The following SAMD12 variants were observed in gnomAD, a reference collection of about 807,000 sequenced individuals.
SAMD12 encodes sterile alpha motif domain containing 12, also known as sterile alpha motif domain-containing protein 12.
Under a neutral mutation model 15.0 loss-of-function variants are expected in SAMD12, and 9 were observed. The ratio of observed to expected loss-of-function variants is 0.60; its 90% CI spans 0.36 to 1.05. The LOEUF (loss-of-function observed/expected upper bound fraction) is 1.05. Among genes scored for constraint, SAMD12 ranks in the 50% least tolerant of loss-of-function variants. The pLI is 0.01. For synonymous variants in SAMD12, 86 were observed against 90.1 expected, an observed-to-expected ratio of 0.96 and a Z score of 0.25; for missense variants, 230 against 234.2, an observed-to-expected ratio of 0.98 and a Z score of 0.12.
chr8:118,227,397 G>GA (rs1229421463), intron 4 of SAMD12, among the ~76,000 whole-genome samples: 1 of 151,986 alleles, frequency 6.6e-6, no homozygotes, highest in Non-Finnish European at 1.5e-5. Context: ...GAAAGGAGCA[G>GA]AAAAAATAAC....
At chr8:118,563,653 T>C (rs1484280980) in intron 2 of SAMD12, among the ~76,000 whole-genome samples, 1 of 152,242 alleles carries the variant, frequency 6.6e-6, no homozygotes, top group Non-Finnish European at 1.5e-5. Flanking sequence ...CATAGTGGAC[T>C]GAGAAGGAAA....
chr8:118,536,401 C>G (rs1825841658), intron 2 of SAMD12, among the ~76,000 whole-genome samples: 1 of 151,404 alleles, frequency 6.6e-6, no homozygotes, highest in East Asian at 1.9e-4. Context: ...GTTCCTTTCA[C>G]TTTACTATCA....
At chr8:118,445,961 A>G (rs1405106627) in intron 2 of SAMD12, among the ~76,000 whole-genome samples, 1 of 152,180 alleles carries the variant, frequency 6.6e-6, no homozygotes, top group Non-Finnish European at 1.5e-5. Flanking sequence ...AAAAGGCAGT[A>G]TTCTCAATGT....
intron 4 of SAMD12, among the ~76,000 whole-genome samples, chr8:118,211,357 T>C (rs1052918138): frequency 6.6e-6 from 1 of 152,080 alleles, no homozygotes; most frequent in Non-Finnish European, 1.5e-5. Context: ...CTCTTTGCAG[T>C]GGAAATAAAG....
intron 4 of SAMD12, among the ~76,000 whole-genome samples, chr8:118,240,260 C>T (rs1487210092): frequency 3.3e-5 from 5 of 152,254 alleles, no homozygotes; most frequent in Admixed American, 6.5e-5. Context: ...TTGACTGCAA[C>T]GTCAAGAAAG....
At chr8:118,587,313 A>G (rs1373311284) in intron 1 of SAMD12, among the ~76,000 whole-genome samples, 2 of 152,180 alleles carry the variant, frequency 1.3e-5, no homozygotes, top group African/African-American at 2.4e-5. Flanking sequence ...TAGGTGCTTC[A>G]TTTATTGTAT....
chr8:118,284,749 T>C (rs7826380), intron 4 of SAMD12: 2,365 of 163,834 alleles, frequency 0.014, 69 homozygotes, highest in African/African-American at 0.052. Context: ...GAGACCATCC[T>C]GGCTAACACG....
At chr8:118,309,380 A>ATGTGTGTGTGTG (rs35576833) in intron 4 of SAMD12, among the ~76,000 whole-genome samples, 1,692 of 143,904 alleles carry the variant, frequency 0.012, 27 homozygotes, top group Non-Finnish European at 0.013. Context: ...TGAGATATAT[A>ATGTGTGTGTGTG]TGTGTGTGTG....
intron 4 of SAMD12, among the ~76,000 whole-genome samples, chr8:118,362,373 C>T (rs1818544921): frequency 6.6e-6 from 1 of 152,158 alleles, no homozygotes; most frequent in African/African-American, 2.4e-5. Context: ...TCTATTATTT[C>T]ATCTCTTCCT....
intron 1 of SAMD12, among the ~76,000 whole-genome samples, chr8:118,615,648 C>T (rs1052410174): frequency 3.9e-5 from 6 of 152,206 alleles, no homozygotes; most frequent in Non-Finnish European, 7.3e-5. Flanking sequence ...GCTCCCCCTA[C>T]CCTTGTAATA....
chr8:118,166,770 A>G, the SAMD12 span, among the ~76,000 whole-genome samples: 2 of 152,318 alleles, frequency 1.3e-5, no homozygotes, highest in South Asian at 2.1e-4. Flanking sequence ...GATATTAACA[A>G]AGGTACAACA....
intron 2 of SAMD12, among the ~76,000 whole-genome samples, chr8:118,538,547 C>T (rs1344741402): frequency 6.6e-6 from 1 of 152,124 alleles, no homozygotes; most frequent in Non-Finnish European, 1.5e-5. Flanking sequence ...CACTGAGTTC[C>T]AATGTAAAGT....
chr8:118,581,630 A>AT (rs746283174), intron 1 of SAMD12, among the ~76,000 whole-genome samples: 4 of 152,038 alleles, frequency 2.6e-5, no homozygotes, highest in Non-Finnish European at 4.4e-5. Flanking sequence ...CCTAAAGCTG[A>AT]TTTTCTGGGG....
chr8:118,357,371 G>A lies in SAMD12; in HGVS notation c.433+22189C>T, dbSNP rs536730638. ...TTGTGCCTCAGCCTCCTGAGTAGCT[G>A]GGATTACAGGTATGCACCACCATAT... On this transcript the variant is annotated intron_variant, in intron 4 of 4. Coordinates refer to the SAMD12 transcript ENST00000409003. Among the ~76,000 whole-genome samples the A allele has an allele frequency of 5.3e-5, 8 of 152,196 alleles. No homozygotes were observed. In the East Asian group the frequency reaches 1.5e-3, roughly 29 times the overall value.
intron 4 of SAMD12, among the ~76,000 whole-genome samples, chr8:118,351,845 G>T (rs1320177093): frequency 6.6e-6 from 1 of 152,186 alleles, no homozygotes; most frequent in Non-Finnish European, 1.5e-5. Flanking sequence ...GAGAAAATGA[G>T]AGCAGATTGT....
chr8:118,140,375 A>G, the SAMD12 span, among the ~76,000 whole-genome samples: 1 of 151,944 alleles, frequency 6.6e-6, no homozygotes, highest in African/African-American at 2.4e-5. Flanking sequence ...GGGCTCAGGC[A>G]ATCCTCCCAC....
At chr8:118,193,033 A>C (rs1819452428) in exon 5 of SAMD12, 1 of 152,218 alleles carries the variant, frequency 6.6e-6, no homozygotes, top group African/African-American at 2.4e-5. Flanking sequence ...AGGAAGTATA[A>C]AACTAGCCCT....
chr8:118,394,588 G>A (rs773425642), intron 3 of SAMD12, among the ~76,000 whole-genome samples: 1 of 152,178 alleles, frequency 6.6e-6, no homozygotes, highest in Non-Finnish European at 1.5e-5. Flanking sequence ...AAGAGTGACA[G>A]TCCCATATTG....
intron 4 of SAMD12, among the ~76,000 whole-genome samples, chr8:118,305,618 T>C (rs1815305794): frequency 6.6e-6 from 1 of 152,176 alleles, no homozygotes; most frequent in Non-Finnish European, 1.5e-5. Flanking sequence ...TTTGAGTCCC[T>C]GCTTTCCACA....
Sources: gnomAD v4.1 joint callset for allele counts (sites outside exome capture counted in the v4.1 genomes callset) on GRCh38, gnomAD v4.1.1 for gene constraint, MANE v1.5 for transcripts, NCBI Gene and HGNC (gene_info 2026-07-23, HGNC 2026-07-21) for gene names.